Variants in FNDC3B observed in about 807,000 individuals in gnomAD.
FNDC3B encodes the protein fibronectin type III domain containing 3B, also known as fibronectin type III domain-containing protein 3B.
A neutral mutation model predicts 151.5 loss-of-function variants in FNDC3B; 12 were observed. The ratio of observed to expected loss-of-function variants is 0.08; its 90% CI spans 0.05 to 0.13. The LOEUF (loss-of-function observed/expected upper bound fraction) is 0.13. Ranked by LOEUF, FNDC3B falls within the 10% of genes least tolerant of loss-of-function variation. The pLI is 1.00. For synonymous variants in FNDC3B, 528 were observed against 549.0 expected (o/e 0.96, Z 0.54); for missense variants, 1,214 against 1,505.3 (o/e 0.81, Z 3.20).
At chr3:172,396,059 A>G (rs1033178093) in intron 25 of FNDC3B, among the ~76,000 whole-genome samples, 2 of 152,334 alleles carry the variant, frequency 1.3e-5, no homozygotes, top group East Asian at 1.9e-4. Flanking sequence ...AAAATAACTT[A>G]AGTTCTCAAA....
At chr3:172,291,569 T>C (rs1267400583) in intron 7 of FNDC3B, among the ~76,000 whole-genome samples, 1 of 152,214 alleles carries the variant, frequency 6.6e-6, no homozygotes, top group African/African-American at 2.4e-5. Flanking sequence ...TGCAAATGTA[T>C]ACTAGTAACC....
intron 23 of FNDC3B, among the ~76,000 whole-genome samples, chr3:172,375,074 ATTC>A (rs1735068910): frequency 6.6e-6 from 1 of 152,288 alleles, no homozygotes; most frequent in South Asian, 2.1e-4. Context: ...TTCTCTTTCT[ATTC>A]TTACCTCTTT....
chr3:172,065,399 A>G (rs1028548184), intron 1 of FNDC3B, among the ~76,000 whole-genome samples: 2 of 152,198 alleles, frequency 1.3e-5, no homozygotes, highest in Admixed American at 1.3e-4. Flanking sequence ...TAGTGGACAT[A>G]CATAGGATTC....
chr3:172,376,669 G>C (rs533413885), intron 23 of FNDC3B, among the ~76,000 whole-genome samples: 9 of 152,256 alleles, frequency 5.9e-5, no homozygotes, highest in African/African-American at 1.7e-4. Context: ...TTTCAGCCTG[G>C]ACTCTGGCTT....
chr3:172,055,544 C>A (rs1404782588), intron 1 of FNDC3B, among the ~76,000 whole-genome samples: 1 of 151,506 alleles, frequency 6.6e-6, no homozygotes, highest in African/African-American at 2.4e-5. Flanking sequence ...CCTATGAGGG[C>A]ATACTAGTTG....
intron 11 of FNDC3B, among the ~76,000 whole-genome samples, chr3:172,313,974 T>A (rs1731652924): frequency 6.6e-6 from 1 of 152,134 alleles, no homozygotes; most frequent in African/African-American, 2.4e-5. Context: ...ATTCCTATGC[T>A]ATACAGGCCT....
intron 4 of FNDC3B, among the ~76,000 whole-genome samples, chr3:172,247,002 CT>C (rs1156953548): frequency 6.6e-6 from 1 of 152,208 alleles, no homozygotes; most frequent in Non-Finnish European, 1.5e-5. Flanking sequence ...CTTACGGCTT[CT>C]GACGTTAATG....
intron 9 of FNDC3B, among the ~76,000 whole-genome samples, chr3:172,304,493 G>A (rs569501851): frequency 1.3e-5 from 2 of 152,346 alleles, no homozygotes; most frequent in South Asian, 2.1e-4. Flanking sequence ...CAGTCTCAGT[G>A]CTGTGGAGAC....
intron 3 of FNDC3B, among the ~76,000 whole-genome samples, chr3:172,174,202 A>G (rs77737322): frequency 0.03 from 4,550 of 152,294 alleles, 158 homozygotes; most frequent in East Asian, 0.2. Context: ...AAGGCATTCA[A>G]GCATATTTGG....
At chr3:172,185,705 T>C (rs1270742120) in intron 3 of FNDC3B, among the ~76,000 whole-genome samples, 1 of 152,254 alleles carries the variant, frequency 6.6e-6, no homozygotes, top group Non-Finnish European at 1.5e-5. Flanking sequence ...AAATTTACTG[T>C]TGCCAGAAAA....
intron 1 of FNDC3B, among the ~76,000 whole-genome samples, chr3:172,073,859 T>G (rs1336109190): frequency 6.6e-6 from 1 of 152,014 alleles, no homozygotes; most frequent in Non-Finnish European, 1.5e-5. Context: ...TCATGTCCTC[T>G]TCACTGAGGA....
At chr3:172,145,052 T>A (rs1721832829) in intron 3 of FNDC3B, among the ~76,000 whole-genome samples, 1 of 152,040 alleles carries the variant, frequency 6.6e-6, no homozygotes, top group African/African-American at 2.4e-5. Context: ...CCCTAAGTAT[T>A]CAAGTCTTTT....
At chr3:172,207,426 T>G (rs546079845) in intron 3 of FNDC3B, among the ~76,000 whole-genome samples, 1 of 152,324 alleles carries the variant, frequency 6.6e-6, no homozygotes, top group Admixed American at 6.5e-5. Flanking sequence ...CAGATTTGAC[T>G]ACTTGCTGCT....
intron 3 of FNDC3B, among the ~76,000 whole-genome samples, chr3:172,167,831 A>G (rs919126870): frequency 3.3e-5 from 5 of 152,192 alleles, no homozygotes; most frequent in Admixed American, 3.3e-4. Context: ...CGTACTCCTT[A>G]TAAGAATCTA....
Position 172,284,272 on chromosome 3 carries a change from G to T in FNDC3B, c.791-1654G>T, listed in dbSNP as rs559326136. 2.6e-5 allele frequency among the ~76,000 whole-genome samples: 4 copies of T among 152,078 alleles called. No homozygotes were observed. The South Asian group carries it at 6.2e-4, about 24-fold the overall frequency. ...TAAGAGGTTGTTAAAGTTTTAATGC[G>T]TTATGAAAACAAACAAAAAGCAAAA... is the stretch of plus-strand genomic sequence containing the variant. On this transcript the variant is annotated intron_variant, in intron 6 of 25. Transcript: ENST00000415807.
intron 3 of FNDC3B, among the ~76,000 whole-genome samples, chr3:172,205,044 G>A (rs1446488276): frequency 6.6e-6 from 1 of 152,196 alleles, no homozygotes; most frequent in Non-Finnish European, 1.5e-5. Context: ...AGATTTCTGT[G>A]TAGTTCTCTG....
chr3:172,307,502 G>A lies in FNDC3B; in HGVS notation c.1200+1G>A, dbSNP rs1731257950. On this transcript the variant is annotated splice_donor_variant, in intron 10 of 25. Transcript: ENST00000415807. LOFTEE classifies it high-confidence loss of function. ...AAGTTCACTAACCCTGCAGTGGAAG[G>A]TGGGTAGCTCAAAGCATCAAGAATC... 1.2e-6 allele frequency: 2 copies of A among 1,613,966 alleles called. No individual in the cohort carries two copies. Among genetic ancestry groups the A allele is most frequent in the Non-Finnish European group, 1.7e-6 (2 of 1,179,996 alleles).
chr3:172,174,944 C>CCCCCCCCG (rs924176605), intron 3 of FNDC3B, among the ~76,000 whole-genome samples: 27 of 50,732 alleles, frequency 5.3e-4, no homozygotes, highest in South Asian at 1.2e-3. Flanking sequence ...CCCCCCCCCC[C>CCCCCCCCG]CCAATACAAT....
chr3:172,164,962 C>G (rs1451040734), intron 3 of FNDC3B, among the ~76,000 whole-genome samples: 1 of 152,150 alleles, frequency 6.6e-6, no homozygotes, highest in Non-Finnish European at 1.5e-5. Flanking sequence ...CACGTGCTCA[C>G]CTTACTCTTA....
Sources: gnomAD v4.1 joint callset for allele counts (sites outside exome capture counted in the v4.1 genomes callset) on GRCh38, gnomAD v4.1.1 for gene constraint, MANE v1.5 for transcripts, NCBI Gene and HGNC (gene_info 2026-07-23, HGNC 2026-07-21) for gene names.